The following RIMS2 variants were observed in gnomAD, a reference collection of about 807,000 sequenced individuals.
RIMS2 encodes the protein regulating synaptic membrane exocytosis 2, also known as regulating synaptic membrane exocytosis protein 2.
Under a neutral mutation model 174.4 loss-of-function variants are expected in RIMS2, and 59 were observed. The ratio of observed to expected loss-of-function variants is 0.34; its 90% CI spans 0.27 to 0.42. The LOEUF (loss-of-function observed/expected upper bound fraction) is 0.42. Among genes scored for constraint, RIMS2 ranks in the 10% least tolerant of loss-of-function variants. RIMS2 has a pLI of 1.00. For synonymous variants in RIMS2, 606 were observed against 572.5 expected, an observed-to-expected ratio of 1.06 and a Z score of -0.84; for missense variants, 1,620 against 1,666.3, an observed-to-expected ratio of 0.97 and a Z score of 0.48.
At chr8:103,632,717 G>A (rs796185828) in intron 1 of RIMS2, among the ~76,000 whole-genome samples, 49 of 148,228 alleles carry the variant, frequency 3.3e-4, no homozygotes, top group East Asian at 5.9e-4. Context: ...CACTGCGCCC[G>A]GCCATATTTA....
At chr8:103,961,907 C>G (rs2090232830) in intron 15 of RIMS2, among the ~76,000 whole-genome samples, 1 of 152,026 alleles carries the variant, frequency 6.6e-6, no homozygotes, top group South Asian at 2.1e-4. Flanking sequence ...TTTAAAAACT[C>G]AATGATTATT....
chr8:104,235,426 C>T (rs1031204915), intron 19 of RIMS2, among the ~76,000 whole-genome samples: 10 of 152,172 alleles, frequency 6.6e-5, no homozygotes, highest in African/African-American at 2.2e-4. Context: ...AATCTTCTTA[C>T]GAAAACTAGA....
At chr8:103,656,475 A>C (rs1254744317) in intron 1 of RIMS2, among the ~76,000 whole-genome samples, 3 of 152,122 alleles carry the variant, frequency 2.0e-5, no homozygotes, top group African/African-American at 7.2e-5. Context: ...CCTTATACCT[A>C]TCCTGGGTCC....
chr8:104,120,746 G>A (rs982833496), intron 19 of RIMS2, among the ~76,000 whole-genome samples: 12 of 151,930 alleles, frequency 7.9e-5, no homozygotes, highest in African/African-American at 2.7e-4. Flanking sequence ...ACAAAGAAGA[G>A]GATAAAAAAG....
chr8:103,684,652 T>C (rs1015483614), intron 1 of RIMS2, among the ~76,000 whole-genome samples: 1 of 151,886 alleles, frequency 6.6e-6, no homozygotes, highest in African/African-American at 2.4e-5. Flanking sequence ...AGTGGTGTGA[T>C]CTCAGCTCAC....
intron 19 of RIMS2, chr8:104,094,715 A>G (rs1213757370): frequency 1.5e-6 from 1 of 689,134 alleles, no homozygotes; most frequent in African/African-American, 1.8e-5. Flanking sequence ...GGAGATTCTC[A>G]CAAGATGATA....
chr8:103,744,083 G>T (rs1425042040), intron 2 of RIMS2, among the ~76,000 whole-genome samples: 1 of 152,120 alleles, frequency 6.6e-6, no homozygotes, highest in African/African-American at 2.4e-5. Flanking sequence ...GTGTTGCTCT[G>T]TTGCCAGGCT....
chr8:103,650,799 G>A (rs2096437486), intron 1 of RIMS2, among the ~76,000 whole-genome samples: 1 of 152,200 alleles, frequency 6.6e-6, no homozygotes, highest in South Asian at 2.1e-4. Context: ...CACAGAGATG[G>A]TGGTCACCCA....
chr8:104,014,186 C>T (rs1044754046), intron 18 of RIMS2, among the ~76,000 whole-genome samples: 3 of 152,066 alleles, frequency 2.0e-5, no homozygotes, highest in African/African-American at 7.2e-5. Flanking sequence ...AAGAAAAGTA[C>T]TACCTTTTCT....
At chr8:103,515,628 T>G (rs1238154855) in intron 1 of RIMS2, among the ~76,000 whole-genome samples, 2 of 152,146 alleles carry the variant, frequency 1.3e-5, no homozygotes, top group Non-Finnish European at 2.9e-5. Context: ...TAACATTTAA[T>G]GTGGAATTCA....
At chr8:103,784,480 TAC>T in intron 3 of RIMS2, among the ~76,000 whole-genome samples, 2 of 108,024 alleles carry the variant, frequency 1.9e-5, no homozygotes, top group African/African-American at 3.7e-5. Flanking sequence ...TTCAGCTTTC[TAC>T]ATATGGCTAG....
At chr8:103,794,991 T>C (rs1440835706) in intron 3 of RIMS2, among the ~76,000 whole-genome samples, 1 of 152,234 alleles carries the variant, frequency 6.6e-6, no homozygotes, top group Non-Finnish European at 1.5e-5. Context: ...TTGGTGGGAC[T>C]GTAAACTAGT....
chr8:104,100,896 T>G (rs2097864316), intron 19 of RIMS2, among the ~76,000 whole-genome samples: 1 of 140,902 alleles, frequency 7.1e-6, no homozygotes, highest in African/African-American at 2.6e-5. Flanking sequence ...ATATTGTATA[T>G]GTTATATATT....
At chr8:103,798,154 T>A (rs1036566099) in intron 3 of RIMS2, among the ~76,000 whole-genome samples, 7 of 152,246 alleles carry the variant, frequency 4.6e-5, no homozygotes, top group Non-Finnish European at 1.0e-4. Flanking sequence ...AGTAGAAGAT[T>A]CTCTGTGTCA....
intron 3 of RIMS2, among the ~76,000 whole-genome samples, chr8:103,802,780 T>C (rs16870707): frequency 0.16 from 23,898 of 152,056 alleles, 1,984 homozygotes; most frequent in Middle Eastern, 0.24. Flanking sequence ...AGCCACTAAA[T>C]TGATCTTGTT....
chr8:104,011,585 A>G (rs946011335), intron 17 of RIMS2, among the ~76,000 whole-genome samples: 3 of 152,068 alleles, frequency 2.0e-5, no homozygotes, highest in African/African-American at 7.2e-5. Context: ...TCAATTATTA[A>G]AAATGATTCT....
chr8:103,627,575 A>G (rs1316607440), intron 1 of RIMS2, among the ~76,000 whole-genome samples: 5 of 152,234 alleles, frequency 3.3e-5, no homozygotes, highest in African/African-American at 9.6e-5. Flanking sequence ...AGAAATTATA[A>G]AAGTATTAAT....
At chr8:104,195,022 G>A (rs764864083) in intron 19 of RIMS2, among the ~76,000 whole-genome samples, 11 of 152,184 alleles carry the variant, frequency 7.2e-5, no homozygotes, top group Non-Finnish European at 1.3e-4. Context: ...GGAAACTGCT[G>A]AAAGCTTTTT....
Position 103,975,628 on chromosome 8 carries a change from A to G in RIMS2, c.2927+122A>G, listed in dbSNP as rs1438277639. The G allele has an allele frequency of 6.1e-6, 4 of 654,240 alleles. No homozygotes were observed. In the Admixed American group the frequency reaches 9.3e-5, roughly 15 times the overall value. 40.5% of individuals were successfully genotyped at this position (654,240 alleles called of 1,614,324 possible). Reference sequence around the variant, plus strand: ...AGTTTATTAGGGAGAATTGGCTCATATGATTATAAGACAAAGTCCCACCAT... The same window carrying G: ...AGTTTATTAGGGAGAATTGGCTCATGTGATTATAAGACAAAGTCCCACCAT... On this transcript the variant is annotated intron_variant, in intron 16 of 23. Transcript: ENST00000504942.
Sources: gnomAD v4.1 joint callset for allele counts (sites outside exome capture counted in the v4.1 genomes callset) on GRCh38, gnomAD v4.1.1 for gene constraint, MANE v1.5 for transcripts, NCBI Gene and HGNC (gene_info 2026-07-23, HGNC 2026-07-21) for gene names.